PTPRO: variants seen among roughly 807,000 people sequenced by gnomAD.
PTPRO encodes receptor-type tyrosine-protein phosphatase O.
Under a neutral mutation model 145.2 loss-of-function variants are expected in PTPRO, and 62 were observed. The ratio of observed to expected loss-of-function variants is 0.43; its 90% CI spans 0.35 to 0.53. The LOEUF (loss-of-function observed/expected upper bound fraction) is 0.53. Ranked by LOEUF, PTPRO falls within the 20% of genes least tolerant of loss-of-function variation. The pLI is 0.01. For missense variants in PTPRO, 1,345 were observed against 1,482.7 expected, an observed-to-expected ratio of 0.91 and a Z score of 1.53; for synonymous variants, 565 against 514.7, an observed-to-expected ratio of 1.10 and a Z score of -1.32.
Position 15,513,226 on chromosome 12 carries a change from A to AAGG in PTPRO, c.1465-2271_1465-2270insGGA, listed in dbSNP as rs1942504081. On this transcript the variant is annotated intron_variant, in intron 7 of 26. Transcript: ENST00000281171. The stretch of plus-strand genomic sequence containing the variant: ...GAAAGAAAGAAAGAAAGAAAGAAAG[A>AAGG]AAAGAAAGAAAGAGGGAGGGAGGGA... 9.2e-5 allele frequency among the ~76,000 whole-genome samples: 11 copies of AAGG among 119,972 alleles called. 2 individuals carry two copies. Among genetic ancestry groups the AAGG allele is most frequent in the African/African-American group, 3.9e-4 (11 of 27,888 alleles). 78.7% of individuals were successfully genotyped at this position (119,972 alleles called of 152,430 possible).
At chr12:15,339,693 T>G (rs1215710718) in intron 1 of PTPRO, among the ~76,000 whole-genome samples, 1 of 152,154 alleles carries the variant, frequency 6.6e-6, no homozygotes, top group Non-Finnish European at 1.5e-5. Flanking sequence ...AATGGATTTT[T>G]TCAGAGACAA....
intron 1 of PTPRO, among the ~76,000 whole-genome samples, chr12:15,409,270 A>C (rs543106667): frequency 1.3e-5 from 2 of 152,156 alleles, no homozygotes; most frequent in Non-Finnish European, 2.9e-5. Flanking sequence ...ACCTGACAAA[A>C]AAAGAGGCTC....
chr12:15,454,007 T>C (rs1169870852), intron 1 of PTPRO, among the ~76,000 whole-genome samples: 3 of 152,212 alleles, frequency 2.0e-5, no homozygotes, highest in African/African-American at 4.8e-5. Flanking sequence ...TTCCATATCT[T>C]GGCTATTGTG....
intron 1 of PTPRO, among the ~76,000 whole-genome samples, chr12:15,437,129 T>C (rs1940617953): frequency 6.6e-6 from 1 of 151,820 alleles, no homozygotes; most frequent in Admixed American, 6.6e-5. Context: ...AGAGGGTCTC[T>C]GTGCTCCATG....
At chr12:15,470,838 G>A (rs1027762736) in intron 1 of PTPRO, among the ~76,000 whole-genome samples, 1 of 152,200 alleles carries the variant, frequency 6.6e-6, no homozygotes, top group Non-Finnish European at 1.5e-5. Flanking sequence ...AAATGGCAGT[G>A]CAAGGAATTC....
At chr12:15,521,496 T>A (rs528110821) in intron 10 of PTPRO, among the ~76,000 whole-genome samples, 18 of 152,360 alleles carry the variant, frequency 1.2e-4, no homozygotes, top group Admixed American at 1.1e-3. Flanking sequence ...ATAATTTAAC[T>A]ATATTGATGT....
chr12:15,577,631 A>C (rs2135635122), intron 19 of PTPRO, among the ~76,000 whole-genome samples: 1 of 152,322 alleles, frequency 6.6e-6, no homozygotes, highest in East Asian at 1.9e-4. Context: ...CATTCTATAA[A>C]TGTAAATAAA....
chr12:15,502,837 T>C (rs577828373), intron 5 of PTPRO, among the ~76,000 whole-genome samples: 1 of 152,312 alleles, frequency 6.6e-6, no homozygotes, highest in South Asian at 2.1e-4. Context: ...TTTTCCATTT[T>C]CTGATCTAGT....
chr12:15,405,485 A>G, intron 1 of PTPRO, among the ~76,000 whole-genome samples: 1 of 152,226 alleles, frequency 6.6e-6, no homozygotes, highest in East Asian at 1.9e-4. Context: ...TATGAGTTCT[A>G]ATCAGAACTC....
intron 11 of PTPRO, 129 bp from the exon 12 acceptor site, chr12:15,526,013 A>G (rs1942829678): frequency 1.7e-6 from 2 of 1,191,882 alleles, no homozygotes; most frequent in Non-Finnish European, 2.5e-6. Context: ...CGTATCTATA[A>G]TATAATCAAT....
At chr12:15,469,477 T>C (rs1941489932) in intron 1 of PTPRO, among the ~76,000 whole-genome samples, 1 of 152,112 alleles carries the variant, frequency 6.6e-6, no homozygotes, top group Non-Finnish European at 1.5e-5. Flanking sequence ...GGTTCCTGGG[T>C]TGTGGGCCGA....
intron 12 of PTPRO, among the ~76,000 whole-genome samples, chr12:15,535,597 C>T (rs1455836296): frequency 6.6e-6 from 1 of 152,226 alleles, no homozygotes; most frequent in Non-Finnish European, 1.5e-5. Flanking sequence ...CAAGCTGGCG[C>T]TTAGAGAAAT....
chr12:15,536,835 T>G (rs1340660350), intron 12 of PTPRO, among the ~76,000 whole-genome samples: 1 of 152,202 alleles, frequency 6.6e-6, no homozygotes, highest in East Asian at 1.9e-4. Flanking sequence ...GTGGACATTT[T>G]TGATAAATTA....
At chr12:15,591,098 G>C (rs1030509040) in intron 25 of PTPRO, among the ~76,000 whole-genome samples, 4 of 152,168 alleles carry the variant, frequency 2.6e-5, no homozygotes, top group African/African-American at 9.7e-5. Context: ...GCCTGGCGTA[G>C]TGGCTCACAG....
chr12:15,500,487 T>C (rs1310817473), intron 4 of PTPRO, among the ~76,000 whole-genome samples: 2 of 152,214 alleles, frequency 1.3e-5, no homozygotes, highest in African/African-American at 4.8e-5. Context: ...AGACAAAGAC[T>C]GATGAGACAG....
At position 15,551,580 on chromosome 12, in the gene PTPRO, A is replaced by T. The variant is rs1438925607; in HGVS notation, c.2467A>T (p.Ile823Phe). The change falls in exon 15 of 27, where the codon ATC (isoleucine) becomes TTC (phenylalanine). Residue 823 changes from isoleucine to phenylalanine, a missense_variant. Ile to Phe is a conservative substitution (Grantham distance 21). Transcript: ENST00000281171. Reference sequence around the variant, plus strand: ...AGAGATGAATCCCAATGTGGTAGTGATCTCCGTGCTGGCCATCCTTAGCAC... The same window carrying T: ...AGAGATGAATCCCAATGTGGTAGTGTTCTCCGTGCTGGCCATCCTTAGCAC... Reference protein sequence around the residue: ...VTEMNPNVVVISVLAILSTLL... With the variant: ...VTEMNPNVVVFSVLAILSTLL... The T allele has an allele frequency of 6.2e-7, 1 of 1,613,530 alleles. No homozygotes were observed. The highest frequency in any genetic ancestry group is 8.5e-7 in the Non-Finnish European group (1 of 1,179,798).
chr12:15,446,162 A>T (rs1421803594), intron 1 of PTPRO, among the ~76,000 whole-genome samples: 1 of 152,096 alleles, frequency 6.6e-6, no homozygotes, highest in Non-Finnish European at 1.5e-5. Context: ...CAACAACAAC[A>T]ACAAATAATC....
intron 15 of PTPRO, among the ~76,000 whole-genome samples, chr12:15,555,571 A>C (rs1030023077): frequency 6.6e-6 from 1 of 152,212 alleles, no homozygotes; most frequent in African/African-American, 2.4e-5. Context: ...GGAAGTGTGC[A>C]GTAAATGTTA....
chr12:15,484,361 C>A (rs1379771694), intron 2 of PTPRO, 114 bp downstream of exon 2: 3 of 1,147,964 alleles, frequency 2.6e-6, no homozygotes, highest in Admixed American at 1.9e-5. Context: ...GCCTTAATGC[C>A]AAGTGACGTA....
Sources: gnomAD v4.1 joint callset for allele counts (sites outside exome capture counted in the v4.1 genomes callset) on GRCh38, gnomAD v4.1.1 for gene constraint, MANE v1.5 for transcripts, NCBI Gene and HGNC (gene_info 2026-07-23, HGNC 2026-07-21) for gene names.